The following CELSR3 variants were observed in gnomAD, a reference collection of about 807,000 sequenced individuals.
CELSR3 encodes the protein EGF-like protein 1.
In CELSR3, 73 loss-of-function variants were observed where a neutral mutation model predicts 270.0. That is an observed-to-expected ratio of 0.27 (90% confidence interval 0.22 to 0.33). The LOEUF (loss-of-function observed/expected upper bound fraction) is 0.33. Among genes scored for constraint, CELSR3 ranks in the 10% least tolerant of loss-of-function variants. CELSR3 has a pLI of 1.00. For missense variants in CELSR3, 3,614 were observed against 4,533.8 expected (o/e 0.80, Z 5.83); for synonymous variants, 1,780 against 1,905.4 (o/e 0.93, Z 1.71).
Position 48,648,238 on chromosome 3 carries a change from GCCCCGCCCTA to G in CELSR3, c.6973+18_6973+27del. The stretch of plus-strand genomic sequence containing the variant: ...TGCCCTTTCATGGCCCCCCTGCTGT[GCCCCGCCCTA>G]CCCCACCCACAACGCACTGATATTA... On this transcript the variant is annotated intron_variant, in intron 19 of 34. Coordinates refer to ENST00000164024, the MANE Select transcript of CELSR3 (RefSeq NM_001407.3). The G allele has an allele frequency of 1.5e-6, 2 of 1,342,602 alleles. No homozygotes were observed. The highest frequency in any genetic ancestry group is 2.1e-6 in the Non-Finnish European group (2 of 941,192). The allele number at this position is 1,342,602 out of a possible 1,614,324, so 83.2% of individuals were successfully genotyped here.
chr3:48,651,287 G>C lies in CELSR3; in HGVS notation c.6186+72C>G. On this transcript the variant is annotated intron_variant, in intron 14 of 34. Coordinates refer to ENST00000164024, the MANE Select transcript of CELSR3 (RefSeq NM_001407.3). This position sits in a 1 kb window ranked among gnomAD's most constrained non-coding sequence, Gnocchi z 7.4. ...AGGTTAGGGCCCAAGTCAGGTGGCGGAGGTCAGCAAGCTGGACAGGAATTG... is the reference window on the plus strand; with the variant it reads ...AGGTTAGGGCCCAAGTCAGGTGGCGCAGGTCAGCAAGCTGGACAGGAATTG... 1 of 1,593,524 alleles carries C rather than the reference G, an allele frequency of 6.3e-7. No homozygotes were observed. Among genetic ancestry groups the C allele is most frequent in the East Asian group, 2.2e-5 (1 of 44,640 alleles).
At chr3:48,643,399 G>A (rs1271877609) in intron 28 of CELSR3, 155 bp downstream of exon 28, 4 of 1,052,270 alleles carry the variant, frequency 3.8e-6, no homozygotes, top group Non-Finnish European at 5.3e-6. Context: ...GGGGGCAGCA[G>A]CTAGGGCCAG....
In CELSR3 at chr3:48,662,342, C is replaced by A. The variant is rs199778842; in HGVS notation, c.293G>T (p.Ser98Ile). The change falls in exon 1 of 35, where the codon AGT becomes ATT. Residue 98 changes from serine (S) to isoleucine (I), a missense_variant. This residue lies in a region of CELSR3 where 470 missense variants were observed against 469.7 expected (regional missense o/e 1.00). Coordinates refer to ENST00000164024, the MANE Select transcript of CELSR3 (RefSeq NM_001407.3). The surrounding 1 kb of genome is among the most constrained non-coding windows in gnomAD (Gnocchi z 7.1). ...LRGRRQSARN[S>I]RGPPEQPNEE... Reference sequence around the variant, plus strand: ...ATTCGGCTGCTCAGGGGGCCCTCGACTATTCCGGGCGCTTTGCCTTCTCCC... The same window carrying A: ...ATTCGGCTGCTCAGGGGGCCCTCGAATATTCCGGGCGCTTTGCCTTCTCCC... The A allele has an allele frequency of 2.4e-5, 38 of 1,612,968 alleles. No homozygotes were observed. Among genetic ancestry groups the A allele is most frequent in the Admixed American group, 5.0e-5 (3 of 60,014 alleles).
rs1257811358 is a variant in CELSR3, at chr3:48,637,693, T to G, written c.*512A>C. On this transcript the variant is annotated 3_prime_UTR_variant, in exon 35 of 35. Transcript: ENST00000164024. ...AGACCAACCCCCAGCCCCAGAAGTTTGGCCTTTGGAGCATTCAATAAAAAG... is the reference window on the plus strand; with the variant it reads ...AGACCAACCCCCAGCCCCAGAAGTTGGGCCTTTGGAGCATTCAATAAAAAG... The G allele has an allele frequency of 6.5e-6, 1 of 153,250 alleles. No homozygotes were observed. The highest frequency in any genetic ancestry group is 2.4e-5 in the African/African-American group (1 of 41,418). 9.5% of individuals were successfully genotyped at this position (153,250 alleles called of 1,614,324 possible). A position where few individuals can be genotyped will look rare whatever the true frequency, so the allele number is the denominator to read the frequency against.
chr3:48,660,665 T>G lies in CELSR3; in HGVS notation c.1970A>C (p.Gln657Pro). 1 of 1,614,096 alleles carries G rather than the reference T, an allele frequency of 6.2e-7. No individual in the cohort carries two copies. The highest frequency in any genetic ancestry group is 8.5e-7 in the Non-Finnish European group (1 of 1,180,036). Residue 657 changes from glutamine (Q) to proline (P), a missense_variant, in exon 1 of 35, where the codon CAA becomes CCA. Gln to Pro is a moderately conservative substitution (Grantham distance 76). This residue lies in a region of CELSR3 where 354 missense variants were observed against 500.9 expected (regional missense o/e 0.71). Transcript: ENST00000164024. This position sits in a 1 kb window ranked among gnomAD's most constrained non-coding sequence, Gnocchi z 5.5. ...HIPIFVSTPF[Q>P]VSVLENAPLG... ...GGGAGCATTTTCCAAGACAGAAACT[T>G]GGAAGGGCGTGCTGACAAAAATAGG...
chr3:48,651,454 A>AGCCCCGTGGGC lies in CELSR3; in HGVS notation c.6080_6090dup (p.Trp2031AlafsTer91), dbSNP rs1377466864. On this transcript the variant is annotated frameshift_variant, in exon 14 of 35. Coordinates refer to ENST00000164024, the MANE Select transcript of CELSR3 (RefSeq NM_001407.3). LOFTEE classifies it high-confidence loss of function. This position sits in a 1 kb window ranked among gnomAD's most constrained non-coding sequence, Gnocchi z 7.4. ...GGGCCACAGGTTGGGCTCCCCCACCAGCCCCGTGGGCACTGCTGGTCCATC... is the reference window on the plus strand; with the variant it reads ...GGGCCACAGGTTGGGCTCCCCCACCAGCCCCGTGGGCGCCCCGTGGGCACTGCTGGTCCATC... 2 of 1,613,832 alleles carry AGCCCCGTGGGC rather than the reference A, an allele frequency of 1.2e-6. No homozygotes were observed. Among genetic ancestry groups the AGCCCCGTGGGC allele is most frequent in the Non-Finnish European group, 1.7e-6 (2 of 1,179,978 alleles).
In CELSR3 at chr3:48,644,422, T is replaced by C. The variant is rs372870418; in HGVS notation, c.8086-127A>G. 4.9e-6 allele frequency: 4 copies of C among 817,598 alleles called. No homozygotes were observed. The highest frequency in any genetic ancestry group is 3.4e-5 in the African/African-American group (2 of 58,924). 50.6% of individuals were successfully genotyped at this position (817,598 alleles called of 1,614,324 possible). A position where few individuals can be genotyped will look rare whatever the true frequency, so the allele number is the denominator to read the frequency against. On this transcript the variant is annotated intron_variant, in intron 26 of 34. Transcript: ENST00000164024. This position sits in a 1 kb window ranked among gnomAD's most constrained non-coding sequence, Gnocchi z 4.8. ...AGAACCAGTGAGAAATTCACACATA[T>C]ACACACACACCAAAGGAGCTTAGCA...
At position 48,653,729 on chromosome 3, in the gene CELSR3, C is replaced by T; in HGVS notation, c.5338G>A (p.Asp1780Asn). 1 of 1,614,214 alleles carries T rather than the reference C, an allele frequency of 6.2e-7. No homozygotes were observed. The highest frequency in any genetic ancestry group is 8.5e-7 in the Non-Finnish European group (1 of 1,180,052). ...NGTLSWNFGSDMAVSVPWYLG... is the reference protein window; with the variant it reads ...NGTLSWNFGSNMAVSVPWYLG... ...TACCATGGCACAGACACAGCCATGT[C>T]ACTTCCAAAGTTCCAGCTCAGTGTG... The change falls in exon 9 of 35, where the codon GAC becomes AAC. Residue 1780 changes from aspartate (D) to asparagine (N), a missense_variant. Physicochemically the swap from Asp to Asn is conservative, Grantham distance 23. Transcript: ENST00000164024. This position sits in a 1 kb window ranked among gnomAD's most constrained non-coding sequence, Gnocchi z 6.5.
Position 48,638,213 on chromosome 3 carries a change from G to A in CELSR3, c.9931C>T (p.His3311Tyr), listed in dbSNP as rs376692763. ...TCCACGCCGTCATCCCCTCAGGAGT[G>A]ACCCTCACTTCTGGGAACTCTGGAG... ...PDSEVPRSEG[H>Y]S Residue 3311 changes from histidine to tyrosine, a missense_variant, in exon 35 of 35, where the codon CAC becomes TAC. Coordinates refer to ENST00000164024, the MANE Select transcript of CELSR3 (RefSeq NM_001407.3). The A allele has an allele frequency of 6.2e-7, 1 of 1,612,918 alleles. No individual in the cohort carries two copies. Among genetic ancestry groups the A allele is most frequent in the African/African-American group, 1.3e-5 (1 of 74,884 alleles).
chr3:48,655,532 C>CA lies in CELSR3; in HGVS notation c.4742-139dup. ...CCACTGGTGACCACAATGGCTGGCT[C>CA]AGAGTGCCTTTGAACAGACAGGAGA... On this transcript the variant is annotated intron_variant, in intron 4 of 34. Coordinates refer to ENST00000164024, the MANE Select transcript of CELSR3 (RefSeq NM_001407.3). The surrounding 1 kb of genome is among the most constrained non-coding windows in gnomAD (Gnocchi z 5.8). 1 of 967,984 alleles carries CA rather than the reference C, an allele frequency of 1.0e-6. No homozygotes were observed. 60.0% of individuals were successfully genotyped at this position (967,984 alleles called of 1,614,324 possible). A position where few individuals can be genotyped will look rare whatever the true frequency, so the allele number is the denominator to read the frequency against.
rs2046979061 is a variant in CELSR3, at chr3:48,637,220, C to A, written c.*985G>T. On this transcript the variant is annotated 3_prime_UTR_variant, in exon 35 of 35. Coordinates refer to ENST00000164024, the MANE Select transcript of CELSR3 (RefSeq NM_001407.3). ...ATAAAGGAGGAGTGGAACGGAGTCA[C>A]TTCCTGCAGCCCAGGTGCCTAGGGC... 6.6e-6 allele frequency: 1 copy of A among 152,642 alleles called. No individual in the cohort carries two copies. 9.5% of individuals were successfully genotyped at this position (152,642 alleles called of 1,614,324 possible).
At position 48,643,682 on chromosome 3, in the gene CELSR3, T is replaced by A; in HGVS notation, c.8166-5A>T. ...AGGAAGGAGCTGCGAAGGGTCCTGC[T>A]GTGGGGACATGGGAAGACACAGGAG... On this transcript the variant is annotated splice_region_variant and splice_polypyrimidine_tract_variant and intron_variant, in intron 27 of 34. Transcript: ENST00000164024. 2 of 1,552,260 alleles carry A rather than the reference T, an allele frequency of 1.3e-6. No homozygotes were observed. The highest frequency in any genetic ancestry group is 1.7e-6 in the Non-Finnish European group (2 of 1,147,668).
chr3:48,661,327 C>A lies in CELSR3; in HGVS notation c.1308G>T (p.Ala436=). The A allele has an allele frequency of 6.2e-7, 1 of 1,613,362 alleles. No homozygotes were observed. The highest frequency in any genetic ancestry group is 8.5e-7 in the Non-Finnish European group (1 of 1,179,906). ...TCTCGCGAAGGGTCTCCCGGTACTGCGCTTGCTCAAAAACCGGCGAGTGGT... is the reference window on the plus strand; with the variant it reads ...TCTCGCGAAGGGTCTCCCGGTACTGAGCTTGCTCAAAAACCGGCGAGTGGT... ...RNDHSPVFEQ[A]QYRETLRENV... The change falls in exon 1 of 35, where the codon GCG becomes GCT. Residue 436 remains alanine, a synonymous_variant. Transcript: ENST00000164024.
At position 48,644,332 on chromosome 3, in the gene CELSR3, CAGAGAG is replaced by C. The variant is rs147930066; in HGVS notation, c.8086-43_8086-38del. ...GCCAGACATGTGGGGCCGGGCAGGG[CAGAGAG>C]AGAGAGAGAGAGAGAGGCAATGAGA... On this transcript the variant is annotated intron_variant, in intron 26 of 34. Transcript: ENST00000164024. The surrounding 1 kb of genome is among the most constrained non-coding windows in gnomAD (Gnocchi z 4.8). The C allele has an allele frequency of 6.0e-4, 878 of 1,470,810 alleles. No homozygotes were observed. The highest frequency in any genetic ancestry group is 1.2e-3 in the Middle Eastern group (7 of 5,720). The allele number at this position is 1,470,810 out of a possible 1,614,324, so 91.1% of individuals were successfully genotyped here.
Position 48,661,657 on chromosome 3 carries a change from C to G in CELSR3, c.978G>C (p.Pro326=). The change falls in exon 1 of 35, where the codon CCG becomes CCC. Residue 326 remains proline, a synonymous_variant. Coordinates refer to ENST00000164024, the MANE Select transcript of CELSR3 (RefSeq NM_001407.3). ...RRAANRHPQF[P]QYNYQTLVPE... ...GCACCAGCGTCTGGTAGTTGTACTG[C>G]GGAAACTGCGGGTGGCGGTTTGCGG... 6.3e-7 allele frequency: 1 copy of G among 1,587,292 alleles called. No individual in the cohort carries two copies. The highest frequency in any genetic ancestry group is 8.6e-7 in the Non-Finnish European group (1 of 1,167,254).
rs745459213 is a variant in CELSR3 at position 48,639,772 on chromosome 3, G to A, written c.9813C>T (p.His3271=). The A allele has an allele frequency of 5.0e-6, 8 of 1,613,722 alleles. No homozygotes were observed. The highest frequency in any genetic ancestry group is 6.8e-6 in the Non-Finnish European group (8 of 1,180,018). Residue 3271 remains histidine (H), a synonymous_variant, in exon 34 of 35, where the codon CAC becomes CAT. Coordinates refer to ENST00000164024, the MANE Select transcript of CELSR3 (RefSeq NM_001407.3). This position sits in a 1 kb window ranked among gnomAD's most constrained non-coding sequence, Gnocchi z 4.1. ...CTGTGGCAGAAGGTGTGGCAGTGGT[G>A]TGAGGGCCCAAGGGTGTGCTTGAAG... ...VQSSSTPLGP[H]TTATPSATAS...
At chr3:48,643,531 C>A in intron 28 of CELSR3, 23 bp downstream of exon 28, 1 of 1,545,962 alleles carries the variant, frequency 6.5e-7, no homozygotes, top group South Asian at 1.2e-5. Context: ...GGTTCTGGGG[C>A]AAGGGAGGGG....
Position 48,650,485 on chromosome 3 carries a change from G to C in CELSR3, c.6467C>G (p.Ala2156Gly), listed in dbSNP as rs747373114. The C allele has an allele frequency of 2.5e-6, 4 of 1,596,178 alleles. No homozygotes were observed. In the South Asian group the frequency reaches 3.3e-5, roughly 13 times the overall value. The stretch of plus-strand genomic sequence containing the variant: ...CTTTCCCCCCACATACTCACCCAGG[G>C]CCCCCCGGGGACAGGGCACTGTGGC... ...VLATVPCPRGALGAAVRLCDE... is the reference protein window; with the variant it reads ...VLATVPCPRGGLGAAVRLCDE... Residue 2156 changes from alanine (A) to glycine (G), a missense_variant, in exon 16 of 35, where the codon GCC (alanine) becomes GGC (glycine). Coordinates refer to ENST00000164024, the MANE Select transcript of CELSR3 (RefSeq NM_001407.3). The surrounding 1 kb of genome is among the most constrained non-coding windows in gnomAD (Gnocchi z 5.1).
Position 48,662,574 on chromosome 3 carries a change from G to C in CELSR3, c.61C>G (p.Leu21Val), listed in dbSNP as rs748112422. The change falls in exon 1 of 35, where the codon CTC becomes GTC. Residue 21 changes from leucine to valine, a missense_variant. By Grantham distance (32) the Leu-to-Val change is conservative. Transcript: ENST00000164024. The surrounding 1 kb of genome is among the most constrained non-coding windows in gnomAD (Gnocchi z 7.1). The part of the protein sequence containing the change: ...LGGRSTPILL[L>V]LLLSLFPLSQ... Reference sequence around the variant, plus strand: ...AGGGGGAACAAAGAGAGGAGAAGGAGCAGGAGTATGGGGGTCGACCGTCCC... The same window carrying C: ...AGGGGGAACAAAGAGAGGAGAAGGACCAGGAGTATGGGGGTCGACCGTCCC... The C allele has an allele frequency of 6.4e-7, 1 of 1,556,214 alleles. No individual in the cohort carries two copies. The highest frequency in any genetic ancestry group is 2.3e-5 in the East Asian group (1 of 44,216).
Sources: gnomAD v4.1 joint callset for allele counts on GRCh38, gnomAD v4.1.1 for gene constraint, gnomAD v4.1.1 regional missense constraint, Gnocchi (gnomAD v3.1) non-coding constraint, MANE v1.5 for transcripts, NCBI Gene and HGNC (gene_info 2026-07-23, HGNC 2026-07-21) for gene names.